B3GALT1: variants seen among roughly 807,000 people sequenced by gnomAD.
B3GALT1 encodes UDP-Gal:betaGlcNAc beta 1,3-galactosyltransferase, polypeptide 1.
B3GALT1 carries 10 observed loss-of-function variants against 23.2 expected under a neutral mutation model. That is an observed-to-expected ratio of 0.43 (90% CI 0.27 to 0.73). The LOEUF (loss-of-function observed/expected upper bound fraction) is 0.73. Among genes scored for constraint, B3GALT1 ranks in the 30% least tolerant of loss-of-function variants. B3GALT1 has a pLI of 0.21. For missense variants in B3GALT1, 299 were observed against 405.4 expected, an observed-to-expected ratio of 0.74 and a Z score of 2.25; for synonymous variants, 156 against 141.5, an observed-to-expected ratio of 1.10 and a Z score of -0.73.
intron 3 of B3GALT1, among the ~76,000 whole-genome samples, chr2:167,674,122 T>G (rs1011729197): frequency 6.6e-6 from 1 of 152,178 alleles, no homozygotes; most frequent in Non-Finnish European, 1.5e-5. Context: ...TAGTGTATAT[T>G]AAATACAACT....
At chr2:167,722,859 G>C (rs1332524462) in intron 3 of B3GALT1, among the ~76,000 whole-genome samples, 1 of 152,114 alleles carries the variant, frequency 6.6e-6, no homozygotes, top group Non-Finnish European at 1.5e-5. Flanking sequence ...TCTTCCTTTG[G>C]CTTCTATCTC....
At chr2:167,706,983 T>C (rs1460032989) in intron 3 of B3GALT1, among the ~76,000 whole-genome samples, 2 of 152,204 alleles carry the variant, frequency 1.3e-5, no homozygotes, top group Non-Finnish European at 2.9e-5. Flanking sequence ...TTTGCTCTCT[T>C]GGAATGCTTG....
chr2:167,418,060 T>G (rs190954090), intron 1 of B3GALT1, among the ~76,000 whole-genome samples: 2 of 152,338 alleles, frequency 1.3e-5, no homozygotes, highest in East Asian at 1.9e-4. Flanking sequence ...TTTTTAATAT[T>G]CGCTTAGAGA....
intron 2 of B3GALT1, among the ~76,000 whole-genome samples, chr2:167,536,707 T>C (rs1683433922): frequency 6.6e-6 from 1 of 152,034 alleles, no homozygotes; most frequent in Non-Finnish European, 1.5e-5. Context: ...GCAGGATATG[T>C]CCCCCTAAAG....
rs572650522 is a variant in B3GALT1 at position 167,542,798 on chromosome 2, CTTT to C, written c.-410+52532_-410+52534del. On this transcript the variant is annotated intron_variant, in intron 2 of 4. Transcript: ENST00000392690. ...TATCCTATAGATCTTTGTATTAAAG[CTTT>C]TTTTTTTTTTGTAAGAAGAAAGGGA... Among the ~76,000 whole-genome samples, 3 of 140,858 alleles carry C rather than the reference CTTT, an allele frequency of 2.1e-5. No homozygotes were observed. In the Admixed American group the frequency reaches 2.2e-4, roughly 10 times the overall value. The allele number at this position is 140,858 out of a possible 152,430, so 92.4% of individuals were successfully genotyped here. A position where few individuals can be genotyped will look rare whatever the true frequency, so the allele number is the denominator to read the frequency against.
intron 1 of B3GALT1, among the ~76,000 whole-genome samples, chr2:167,348,996 A>G (rs1697266956): frequency 6.6e-6 from 1 of 152,236 alleles, no homozygotes; most frequent in East Asian, 1.9e-4. Flanking sequence ...CACCGTATAT[A>G]TTTGTTAGAA....
intron 3 of B3GALT1, among the ~76,000 whole-genome samples, chr2:167,686,026 G>C (rs1274492422): frequency 6.6e-6 from 1 of 152,196 alleles, no homozygotes; most frequent in African/African-American, 2.4e-5. Context: ...AGCAGTGACT[G>C]TCAGTCTGTG....
At chr2:167,444,545 T>G (rs1056203579) in intron 1 of B3GALT1, among the ~76,000 whole-genome samples, 5 of 152,128 alleles carry the variant, frequency 3.3e-5, no homozygotes, top group South Asian at 2.1e-4. Flanking sequence ...CAATTTCAGA[T>G]CCTGTTATTG....
At chr2:167,464,040 C>G (rs1699306983) in intron 1 of B3GALT1, among the ~76,000 whole-genome samples, 1 of 152,092 alleles carries the variant, frequency 6.6e-6, no homozygotes, top group Non-Finnish European at 1.5e-5. Context: ...CTAAATTATT[C>G]CATCTTTAAT....
intron 3 of B3GALT1, among the ~76,000 whole-genome samples, chr2:167,799,701 C>G (rs575483887): frequency 6.6e-6 from 1 of 152,248 alleles, no homozygotes; most frequent in East Asian, 1.9e-4. Context: ...AGAAGTCATG[C>G]TTTCTAGAGC....
At position 167,848,596 on chromosome 2, in the gene B3GALT1, A is replaced by G. The variant is rs572842698; in HGVS notation, c.-229-20215A>G. On this transcript the variant is annotated intron_variant, in intron 4 of 4. Coordinates refer to ENST00000392690, the MANE Select transcript of B3GALT1 (RefSeq NM_020981.4). ...ATCAGCATATAAGGGACATACCTCA[A>G]TGTAATAAAAGCCATCTATGACAAA... Among the ~76,000 whole-genome samples, 3 of 152,316 alleles carry G rather than the reference A, an allele frequency of 2.0e-5. No individual in the cohort carries two copies. The South Asian group carries it at 6.2e-4, about 32-fold the overall frequency.
chr2:167,757,837 C>T (rs529015705), intron 3 of B3GALT1, among the ~76,000 whole-genome samples: 1 of 152,052 alleles, frequency 6.6e-6, no homozygotes, highest in African/African-American at 2.4e-5. Context: ...TTCCAGTTCA[C>T]CCAGATGAAG....
At chr2:167,765,287 C>G (rs960883801) in intron 3 of B3GALT1, among the ~76,000 whole-genome samples, 1 of 151,994 alleles carries the variant, frequency 6.6e-6, no homozygotes, top group Admixed American at 6.6e-5. Flanking sequence ...TGCTTCCATA[C>G]GTGTATACAA....
chr2:167,519,707 G>C (rs1167795683), intron 2 of B3GALT1, among the ~76,000 whole-genome samples: 1 of 152,140 alleles, frequency 6.6e-6, no homozygotes, highest in Non-Finnish European at 1.5e-5. Context: ...GAAAATATGA[G>C]GTATTCACAT....
chr2:167,419,914 G>A (rs1256642929), intron 1 of B3GALT1, among the ~76,000 whole-genome samples: 5 of 152,154 alleles, frequency 3.3e-5, no homozygotes, highest in Non-Finnish European at 7.3e-5. Flanking sequence ...TAAAGCCACT[G>A]CTATAATGAG....
At chr2:167,622,175 C>A (rs561330255) in intron 2 of B3GALT1, among the ~76,000 whole-genome samples, 2 of 152,172 alleles carry the variant, frequency 1.3e-5, no homozygotes, top group Admixed American at 6.6e-5. Flanking sequence ...CTATCACCAG[C>A]CCCAGTAGTT....
At chr2:167,338,888 A>G (rs1697102915) in intron 1 of B3GALT1, among the ~76,000 whole-genome samples, 1 of 152,182 alleles carries the variant, frequency 6.6e-6, no homozygotes, top group South Asian at 2.1e-4. Flanking sequence ...AAAATCCTCC[A>G]ATAAATAAAT....
chr2:167,458,913 C>T (rs1361110548), intron 1 of B3GALT1, among the ~76,000 whole-genome samples: 1 of 152,062 alleles, frequency 6.6e-6, no homozygotes, highest in Non-Finnish European at 1.5e-5. Context: ...TCTATTTTGT[C>T]TAATATTAGT....
At chr2:167,588,081 C>T (rs1207941555) in intron 2 of B3GALT1, among the ~76,000 whole-genome samples, 2 of 152,184 alleles carry the variant, frequency 1.3e-5, no homozygotes, top group Admixed American at 1.3e-4. Context: ...CATTGCACCT[C>T]TTTAAACAGG....
Sources: gnomAD v4.1 joint callset for allele counts (sites outside exome capture counted in the v4.1 genomes callset) on GRCh38, gnomAD v4.1.1 for gene constraint, MANE v1.5 for transcripts, NCBI Gene and HGNC (gene_info 2026-07-23, HGNC 2026-07-21) for gene names.